Variants in NEDD4L observed in about 807,000 individuals in gnomAD.
The protein encoded by NEDD4L is NEDD4 like E3 ubiquitin protein ligase.
A neutral mutation model predicts 148.9 loss-of-function variants in NEDD4L; 54 were observed. That is an observed-to-expected ratio of 0.36 (90% CI 0.29 to 0.45). The LOEUF is 0.45. Ranked by LOEUF, NEDD4L falls within the 20% of genes least tolerant of loss-of-function variation. The probability of loss-of-function intolerance (pLI) is 1.00; values close to 1 mark genes in which losing one functional copy is unlikely to be tolerated. For synonymous variants in NEDD4L, 433 were observed against 440.7 expected (o/e 0.98, Z 0.22); for missense variants, 856 against 1,233.8 (o/e 0.69, Z 4.59).
intron 5 of NEDD4L, among the ~76,000 whole-genome samples, chr18:58,260,184 T>A (rs1353107974): frequency 6.6e-6 from 1 of 152,112 alleles, no homozygotes; most frequent in Non-Finnish European, 1.5e-5. Flanking sequence ...AAAATAAAAA[T>A]AAAACTTAAT....
intron 5 of NEDD4L, among the ~76,000 whole-genome samples, chr18:58,303,911 C>T (rs1255235981): frequency 6.6e-6 from 1 of 152,122 alleles, no homozygotes; most frequent in East Asian, 1.9e-4. Flanking sequence ...AAAATGAACA[C>T]CAGATTACTA....
intron 5 of NEDD4L, among the ~76,000 whole-genome samples, chr18:58,296,193 C>T (rs1321201326): frequency 6.6e-6 from 1 of 152,164 alleles, no homozygotes; most frequent in African/African-American, 2.4e-5. Context: ...TATAAGGAAC[C>T]TCAGGACACT....
intron 5 of NEDD4L, among the ~76,000 whole-genome samples, chr18:58,280,858 A>G (rs2052948479): frequency 6.6e-6 from 1 of 152,252 alleles, no homozygotes; most frequent in Admixed American, 6.5e-5. Context: ...GGGTCATTTA[A>G]AAATGACTGA....
intron 15 of NEDD4L, among the ~76,000 whole-genome samples, chr18:58,342,170 G>A (rs2042516704): frequency 1.3e-5 from 2 of 152,182 alleles, no homozygotes; most frequent in African/African-American, 4.8e-5. Flanking sequence ...TTTAAACATA[G>A]CTATTGCTTT....
intron 2 of NEDD4L, among the ~76,000 whole-genome samples, chr18:58,220,128 A>G (rs2043576305): frequency 6.6e-6 from 1 of 152,200 alleles, no homozygotes; most frequent in African/African-American, 2.4e-5. Context: ...ATTTGACTGA[A>G]AACGGGCTGG....
intron 2 of NEDD4L, among the ~76,000 whole-genome samples, chr18:58,209,899 G>T (rs2042424468): frequency 6.6e-6 from 1 of 152,150 alleles, no homozygotes; most frequent in South Asian, 2.1e-4. Context: ...GGGCATGATG[G>T]CTCACACCTG....
chr18:58,057,754 C>G (rs1275028196), intron 1 of NEDD4L, among the ~76,000 whole-genome samples: 1 of 152,174 alleles, frequency 6.6e-6, no homozygotes, highest in Non-Finnish European at 1.5e-5. Flanking sequence ...GTCTGTGGTT[C>G]TGGGAATTCC....
chr18:58,151,608 G>A (rs1599135486), intron 1 of NEDD4L, among the ~76,000 whole-genome samples: 1 of 100,810 alleles, frequency 9.9e-6, no homozygotes, highest in South Asian at 2.9e-4. Flanking sequence ...GTGAAGATGA[G>A]GTAGCTGTGC....
intron 1 of NEDD4L, among the ~76,000 whole-genome samples, chr18:58,162,745 C>T (rs2036375505): frequency 6.6e-6 from 1 of 151,930 alleles, no homozygotes; most frequent in South Asian, 2.1e-4. Flanking sequence ...ATTACAGGTT[C>T]TCTATGCATT....
intron 1 of NEDD4L, among the ~76,000 whole-genome samples, chr18:58,048,150 C>A (rs2144408288): frequency 6.6e-6 from 1 of 152,302 alleles, no homozygotes; most frequent in East Asian, 1.9e-4. Flanking sequence ...TTAATTGGGG[C>A]CACATTCTAG....
intron 22 of NEDD4L, 101 bp from the exon 23 acceptor site, chr18:58,370,296 T>C: frequency 1.3e-6 from 1 of 758,094 alleles, no homozygotes; most frequent in Non-Finnish European, 2.3e-6. Context: ...TCCTTCATGG[T>C]TTCTCATTTA....
intron 1 of NEDD4L, among the ~76,000 whole-genome samples, chr18:58,138,392 C>T (rs1049511524): frequency 6.9e-6 from 1 of 144,022 alleles, no homozygotes; most frequent in Non-Finnish European, 1.5e-5. Flanking sequence ...TTCCTCCCCT[C>T]CTCCTCTTTC....
At chr18:58,159,282 G>A (rs2035902370) in intron 1 of NEDD4L, among the ~76,000 whole-genome samples, 1 of 152,226 alleles carries the variant, frequency 6.6e-6, no homozygotes, top group African/African-American at 2.4e-5. Flanking sequence ...AGGATTTTTA[G>A]GACAGTGGAA....
intron 1 of NEDD4L, among the ~76,000 whole-genome samples, chr18:58,138,003 GTCCAGGT>G (rs2033047214): frequency 6.6e-6 from 1 of 152,154 alleles, no homozygotes; most frequent in Non-Finnish European, 1.5e-5. Context: ...GCCCAGAGCC[GTCCAGGT>G]GGTCTGACCT....
chr18:58,186,625 A>ACT (rs1334369326), intron 2 of NEDD4L, among the ~76,000 whole-genome samples: 2 of 152,164 alleles, frequency 1.3e-5, no homozygotes, highest in Non-Finnish European at 2.9e-5. Flanking sequence ...GTCATCAATC[A>ACT]CTCTTAGGAG....
At chr18:58,110,682 G>A (rs1378859103) in intron 1 of NEDD4L, among the ~76,000 whole-genome samples, 1 of 152,204 alleles carries the variant, frequency 6.6e-6, no homozygotes, top group Non-Finnish European at 1.5e-5. Flanking sequence ...AGATGACATG[G>A]GGATTTTGGT....
At chr18:58,179,118 T>C (rs1041868849) in intron 2 of NEDD4L, among the ~76,000 whole-genome samples, 3 of 152,220 alleles carry the variant, frequency 2.0e-5, no homozygotes, top group Non-Finnish European at 2.9e-5. Context: ...AAACATTATT[T>C]AGCAAATCTG....
chr18:58,235,623 A>G (rs138091074), intron 2 of NEDD4L, among the ~76,000 whole-genome samples: 6 of 152,276 alleles, frequency 3.9e-5, no homozygotes, highest in African/African-American at 1.4e-4. Context: ...CTCCACTTTG[A>G]CATCACGTTC....
At chr18:58,387,723 T>C in intron 27 of NEDD4L, 1 of 446,504 alleles carries the variant, frequency 2.2e-6, no homozygotes, top group Non-Finnish European at 3.7e-6. Context: ...GCAAAAATAA[T>C]CAGCTGTAGT....
Sources: allele counts gnomAD v4.1 joint callset (sites outside exome capture counted in the v4.1 genomes callset), GRCh38; gene constraint gnomAD v4.1.1; transcripts MANE v1.5; gene names NCBI Gene and HGNC (gene_info 2026-07-23, HGNC 2026-07-21).